Variants in MAGI2 observed in about 807,000 individuals in gnomAD.
MAGI2 encodes membrane-associated guanylate kinase, WW and PDZ domain-containing protein 2.
Under a neutral mutation model 133.3 loss-of-function variants are expected in MAGI2, and 35 were observed. The ratio of observed to expected loss-of-function variants is 0.26; its 90% confidence interval spans 0.20 to 0.35. The LOEUF is 0.35. MAGI2 is among the 10% of genes least tolerant of loss of function. The pLI is 1.00. For missense variants in MAGI2, 1,636 were observed against 1,863.4 expected (o/e 0.88, Z 2.25); for synonymous variants, 729 against 710.6 (o/e 1.03, Z -0.41).
chr7:79,436,807 AAATAG>A (rs1848174302), intron 1 of MAGI2, among the ~76,000 whole-genome samples: 1 of 152,170 alleles, frequency 6.6e-6, no homozygotes, highest in African/African-American at 2.4e-5. Context: ...AAAGTAATAA[AAATAG>A]AATTTCCATT....
At chr7:78,057,977 G>GTGTATATTTA (rs762943472) in intron 21 of MAGI2, among the ~76,000 whole-genome samples, 4 of 106,606 alleles carry the variant, frequency 3.8e-5, no homozygotes, top group African/African-American at 1.3e-4. Flanking sequence ...ATATATATGT[G>GTGTATATTTA]TATATATATA....
chr7:78,168,136 A>G (rs760602925), intron 14 of MAGI2, 28 bp from the exon 15 acceptor site: 1 of 1,564,460 alleles, frequency 6.4e-7, no homozygotes, highest in Admixed American at 1.8e-5. Context: ...AGGAAAGGAC[A>G]TTCACATTTC....
chr7:78,384,883 G>A (rs1397601057), intron 6 of MAGI2, among the ~76,000 whole-genome samples: 1 of 152,130 alleles, frequency 6.6e-6, no homozygotes, highest in Non-Finnish European at 1.5e-5. Flanking sequence ...CAAACCTAGG[G>A]CTGCTCACTA....
intron 3 of MAGI2, among the ~76,000 whole-genome samples, chr7:78,611,142 A>T (rs1017930186): frequency 2.6e-5 from 4 of 152,246 alleles, no homozygotes; most frequent in Non-Finnish European, 5.9e-5. Flanking sequence ...AGTTATCATC[A>T]GTCCAAATGT....
chr7:79,248,573 C>T (rs543896800), intron 1 of MAGI2, among the ~76,000 whole-genome samples: 174 of 152,264 alleles, frequency 1.1e-3, no homozygotes, highest in Admixed American at 3.4e-3. Flanking sequence ...ACACAGTCTT[C>T]TCCTTAGTAC....
intron 2 of MAGI2, among the ~76,000 whole-genome samples, chr7:78,666,493 C>T (rs1314189019): frequency 6.6e-6 from 1 of 152,080 alleles, no homozygotes; most frequent in African/African-American, 2.4e-5. Context: ...TTGTAGAGAA[C>T]AAGTCTCAGC....
intron 3 of MAGI2, among the ~76,000 whole-genome samples, chr7:78,609,860 C>T (rs2150906931): frequency 6.6e-6 from 1 of 152,196 alleles, no homozygotes; most frequent in East Asian, 1.9e-4. Context: ...CCAGCCAACA[C>T]TGTAACTCCT....
At chr7:78,620,724 C>T (rs1016302152) in intron 3 of MAGI2, among the ~76,000 whole-genome samples, 1 of 151,968 alleles carries the variant, frequency 6.6e-6, no homozygotes, top group African/African-American at 2.4e-5. Flanking sequence ...TGATTCGATC[C>T]TCTTAAAAAT....
chr7:78,648,042 T>C (rs1306606590), intron 2 of MAGI2, among the ~76,000 whole-genome samples: 1 of 152,120 alleles, frequency 6.6e-6, no homozygotes, highest in Admixed American at 6.5e-5. Flanking sequence ...AAATACCTAA[T>C]GTAAATGACA....
intron 2 of MAGI2, among the ~76,000 whole-genome samples, chr7:78,722,953 T>G (rs902174188): frequency 1.3e-4 from 20 of 152,070 alleles, no homozygotes; most frequent in Middle Eastern, 3.2e-3. Context: ...GCTTATCTAG[T>G]TGATGCGATT....
chr7:78,303,424 CATCTGGAT>C (rs1255597533), intron 9 of MAGI2, among the ~76,000 whole-genome samples: 2 of 137,008 alleles, frequency 1.5e-5, no homozygotes, highest in Admixed American at 7.5e-5. Flanking sequence ...CCTCCTGAAT[CATCTGGAT>C]ATCTTTAAAG....
chr7:79,257,597 A>G (rs1171677132), intron 1 of MAGI2, among the ~76,000 whole-genome samples: 1 of 152,206 alleles, frequency 6.6e-6, no homozygotes, highest in African/African-American at 2.4e-5. Context: ...TTTACAATGA[A>G]TATGAGTTCA....
chr7:79,303,793 T>C (rs1837557264), intron 1 of MAGI2, among the ~76,000 whole-genome samples: 1 of 152,176 alleles, frequency 6.6e-6, no homozygotes, highest in Admixed American at 6.5e-5. Context: ...CCTTATATTG[T>C]TTATAGATTA....
chr7:78,083,387 GGAGAGAGAGAGAGAGA>G (rs747230358), intron 20 of MAGI2, among the ~76,000 whole-genome samples: 5,495 of 33,222 alleles, frequency 0.17, 195 homozygotes, highest in Middle Eastern at 0.25. Context: ...AGGGAGGGGG[GGAGAGAGAGAGAGAGA>G]GAGAGAGAGA....
chr7:78,367,079 C>T (rs530600908), intron 7 of MAGI2, among the ~76,000 whole-genome samples: 1 of 130,212 alleles, frequency 7.7e-6, no homozygotes. Flanking sequence ...GAGAAATGTA[C>T]ACAGAAGTAT....
At chr7:78,264,898 C>A (rs920984760) in intron 9 of MAGI2, among the ~76,000 whole-genome samples, 1 of 152,104 alleles carries the variant, frequency 6.6e-6, no homozygotes, top group Non-Finnish European at 1.5e-5. Context: ...CCTATCGGGG[C>A]TTACCTTGAA....
At chr7:78,120,059 A>G (rs1164578282) in intron 20 of MAGI2, among the ~76,000 whole-genome samples, 1 of 152,218 alleles carries the variant, frequency 6.6e-6, no homozygotes, top group East Asian at 1.9e-4. Flanking sequence ...TTCCATATTT[A>G]TACATGGATT....
chr7:79,164,699 C>T (rs1029688303), intron 1 of MAGI2, among the ~76,000 whole-genome samples: 3 of 151,960 alleles, frequency 2.0e-5, no homozygotes, highest in African/African-American at 7.2e-5. Context: ...CTTGAAAGTT[C>T]CCCCACCTTG....
chr7:79,340,544 C>A (rs1840810531), intron 1 of MAGI2, among the ~76,000 whole-genome samples: 1 of 152,108 alleles, frequency 6.6e-6, no homozygotes, highest in Non-Finnish European at 1.5e-5. Flanking sequence ...CAACATTTTT[C>A]TTATAAATGC....
Sources: allele counts gnomAD v4.1 joint callset (sites outside exome capture counted in the v4.1 genomes callset), GRCh38; gene constraint gnomAD v4.1.1; transcripts MANE v1.5; gene names NCBI Gene and HGNC (gene_info 2026-07-23, HGNC 2026-07-21).